Variants in DNAH17 observed in about 807,000 individuals in gnomAD.
The protein encoded by DNAH17 is dynein axonemal heavy chain 17, also known as axonemal beta dynein heavy chain 17.
In DNAH17, 376 loss-of-function variants were observed where a neutral mutation model predicts 485.6. The ratio of observed to expected loss-of-function variants is 0.77; its 90% CI spans 0.71 to 0.84. The LOEUF is 0.84. DNAH17 is among the 40% of genes least tolerant of loss of function. DNAH17 has a pLI of 0.00. For missense variants in DNAH17, 6,370 were observed against 5,839.3 expected (o/e 1.09, Z -2.96); for synonymous variants, 3,031 against 2,405.9 (o/e 1.26, Z -7.60).
At position 78,507,369 on chromosome 17, in the gene DNAH17, C is replaced by T. The variant is rs1478983512; in HGVS notation, c.4585G>A (p.Ala1529Thr). The T allele has an allele frequency of 6.2e-7, 1 of 1,613,906 alleles. No individual in the cohort carries two copies. The highest frequency in any genetic ancestry group is 8.5e-7 in the Non-Finnish European group (1 of 1,179,904). ...GTTTTCACTGCATCTTCCATCAAGG[C>T]CTGGGAAGAGAAGGGGATCGCCAAG... is the stretch of plus-strand genomic sequence containing the variant. ...RFDDINQEFK[A>T]LMEDAVKTPN... The change falls in exon 29 of 81, where the codon GCC (alanine) becomes ACC (threonine). Residue 1529 changes from alanine (A) to threonine (T), a missense_variant and splice_region_variant. Ala to Thr is a moderately conservative substitution (Grantham distance 58, BLOSUM62 0). Coordinates refer to ENST00000389840, the MANE Select transcript of DNAH17 (RefSeq NM_173628.4).
chr17:78,519,160 T>C (rs1598630197), intron 25 of DNAH17, among the ~76,000 whole-genome samples: 1 of 87,876 alleles, frequency 1.1e-5, no homozygotes, highest in South Asian at 4.7e-4. Context: ...AGAGCGAGAC[T>C]CCGTCTCAAA....
At chr17:78,524,619 G>A (rs570766541) in intron 25 of DNAH17, among the ~76,000 whole-genome samples, 4 of 151,092 alleles carry the variant, frequency 2.6e-5, no homozygotes, top group Admixed American at 2.6e-4. Context: ...GGAATAAAAT[G>A]TTGTTTATGA....
chr17:78,502,397 T>C, intron 33 of DNAH17, 194 bp downstream of exon 33: 1 of 508,950 alleles, frequency 2.0e-6, no homozygotes, highest in Non-Finnish European at 3.4e-6. Context: ...CTGTTACTCG[T>C]GGGGAGAGGT....
chr17:78,537,416 C>G lies in DNAH17; in HGVS notation c.2742G>C (p.Pro914=). The G allele has an allele frequency of 6.2e-7, 1 of 1,613,386 alleles. No individual in the cohort carries two copies. Among genetic ancestry groups the G allele is most frequent in the Non-Finnish European group, 8.5e-7 (1 of 1,179,834 alleles). The stretch of plus-strand genomic sequence containing the variant: ...CGCGATCTGAGCCCACCTCCAGGGT[C>G]GGGTTGAAGGTCAGCCCATCCTCGT... ...ELDEDGLTFN[P]TLEVGSDRGF... The change falls in exon 19 of 81, where the codon CCG becomes CCC. Residue 914 remains proline, a synonymous_variant. Coordinates refer to ENST00000389840, the MANE Select transcript of DNAH17 (RefSeq NM_173628.4).
intron 1 of DNAH17, among the ~76,000 whole-genome samples, chr17:78,576,142 C>T (rs892857097): frequency 2.6e-5 from 4 of 152,200 alleles, no homozygotes; most frequent in South Asian, 2.1e-4. Flanking sequence ...GGACAGATGA[C>T]GTTGGAAGCA....
chr17:78,429,085 A>G, intron 76 of DNAH17, 36 bp downstream of exon 76: 2 of 1,600,306 alleles, frequency 1.2e-6, no homozygotes, highest in Non-Finnish European at 1.7e-6. Context: ...ACGAGCCTTC[A>G]TTACGTTGAG....
At chr17:78,445,369 C>T (rs906435517) in intron 70 of DNAH17, among the ~76,000 whole-genome samples, 189 bp downstream of exon 70, 12 of 152,172 alleles carry the variant, frequency 7.9e-5, no homozygotes, top group African/African-American at 1.4e-4. Flanking sequence ...CCTATAGGAA[C>T]GCAGAGCTAT....
At chr17:78,463,361 C>G (rs1009969555) in intron 56 of DNAH17, among the ~76,000 whole-genome samples, 4 of 152,234 alleles carry the variant, frequency 2.6e-5, no homozygotes, top group African/African-American at 9.6e-5. Flanking sequence ...TACACACACA[C>G]GTATATGTGC....
At chr17:78,449,053 T>C (rs898682746) in intron 69 of DNAH17, among the ~76,000 whole-genome samples, 1 of 152,208 alleles carries the variant, frequency 6.6e-6, no homozygotes, top group Non-Finnish European at 1.5e-5. Context: ...TTCATACACT[T>C]ATTTCTTAAG....
At position 78,462,892 on chromosome 17, in the gene DNAH17, G is replaced by A. The variant is rs751541853; in HGVS notation, c.9126C>T (p.Ile3042=). Reference sequence around the variant, plus strand: ...TCATCAGGCCGTTCTCCAGCCTCTCGATTTTGGCAACAAGTTCCGTTCTCT... The same window carrying A: ...TCATCAGGCCGTTCTCCAGCCTCTCAATTTTGGCAACAAGTTCCGTTCTCT... ...AKKRTELVAK[I]ERLENGLMKL... Residue 3042 remains isoleucine, a synonymous_variant, in exon 57 of 81, where the codon ATC becomes ATT. Coordinates refer to ENST00000389840, the MANE Select transcript of DNAH17 (RefSeq NM_173628.4). 1.5e-5 allele frequency: 25 copies of A among 1,613,812 alleles called. No individual in the cohort carries two copies. The highest frequency in any genetic ancestry group is 2.2e-5 in the East Asian group (1 of 44,888).
At chr17:78,442,259 T>C (rs1453345466) in intron 71 of DNAH17, among the ~76,000 whole-genome samples, 1 of 152,162 alleles carries the variant, frequency 6.6e-6, no homozygotes, top group Admixed American at 6.5e-5. Context: ...CCAGCACACC[T>C]CACCTCCTCT....
At chr17:78,463,199 T>G (rs971160427) in intron 56 of DNAH17, 122 bp from the exon 57 acceptor site, 1 of 828,796 alleles carries the variant, frequency 1.2e-6, no homozygotes, top group African/African-American at 1.7e-5. Context: ...AACCTCAGTG[T>G]CTTCAACTGC....
At chr17:78,504,579 A>G (rs2090423897) in intron 31 of DNAH17, among the ~76,000 whole-genome samples, 1 of 149,112 alleles carries the variant, frequency 6.7e-6, no homozygotes, top group Non-Finnish European at 1.5e-5. Context: ...TCTTCTTCCT[A>G]CAACTGATTT....
At chr17:78,472,280 GAGGGTT>G (rs1275771890) in intron 54 of DNAH17, among the ~76,000 whole-genome samples, 2 of 144,582 alleles carry the variant, frequency 1.4e-5, no homozygotes, top group African/African-American at 5.6e-5. Flanking sequence ...GTAGGGGTGC[GAGGGTT>G]AGGGTTAGGG....
chr17:78,466,617 G>A (rs747550766), intron 56 of DNAH17, 38 bp downstream of exon 56: 10 of 1,568,258 alleles, frequency 6.4e-6, no homozygotes, highest in South Asian at 1.2e-5. Context: ...TTGTCCTCTG[G>A]GCTCTACACT....
intron 1 of DNAH17, among the ~76,000 whole-genome samples, chr17:78,575,742 G>A (rs1598757619): frequency 2.0e-5 from 3 of 152,236 alleles, no homozygotes; most frequent in African/African-American, 4.8e-5. Context: ...GGGGGGAAGG[G>A]ATCCCCTTAA....
intron 51 of DNAH17, among the ~76,000 whole-genome samples, chr17:78,478,100 T>TCATCATCATCTCCACCATCACCACCAC (rs2089150460): frequency 3.6e-5 from 2 of 55,192 alleles, no homozygotes; most frequent in Non-Finnish European, 6.6e-5. Context: ...ACCACCACCA[T>TCATCATCATCTCCACCATCACCACCAC]CATCATCATC....
intron 67 of DNAH17, 24 bp from the exon 68 acceptor site, chr17:78,450,418 G>C (rs754058490): frequency 3.7e-6 from 6 of 1,612,772 alleles, no homozygotes; most frequent in Non-Finnish European, 5.1e-6. Context: ...AAAGGGGTGT[G>C]AATGACACAG....
chr17:78,498,859 AGG>A, intron 37 of DNAH17, 147 bp downstream of exon 37: 1 of 528,580 alleles, frequency 1.9e-6, no homozygotes, highest in Non-Finnish European at 3.3e-6. Flanking sequence ...GGGACCCTGG[AGG>A]GCAAGAGCTC....
Sources: gnomAD v4.1 joint callset for allele counts (sites outside exome capture counted in the v4.1 genomes callset) on GRCh38, gnomAD v4.1.1 for gene constraint, MANE v1.5 for transcripts, NCBI Gene and HGNC (gene_info 2026-07-23, HGNC 2026-07-21) for gene names.